Variants in BRINP3 observed in about 807,000 individuals in gnomAD.
The protein encoded by BRINP3 is BMP/retinoic acid-inducible neural-specific protein 3.
Under a neutral mutation model 71.0 loss-of-function variants are expected in BRINP3, and 19 were observed. The observed-to-expected ratio is 0.27, with a 90% CI of 0.19 to 0.39. The LOEUF (loss-of-function observed/expected upper bound fraction) is 0.39. Ranked by LOEUF, BRINP3 falls within the 10% of genes least tolerant of loss-of-function variation. BRINP3 has a pLI of 1.00. For missense variants in BRINP3, 959 were observed against 940.8 expected, an observed-to-expected ratio of 1.02 and a Z score of -0.25; for synonymous variants, 380 against 337.7, an observed-to-expected ratio of 1.13 and a Z score of -1.37.
intron 2 of BRINP3, among the ~76,000 whole-genome samples, chr1:190,352,429 A>G (rs944299176): frequency 6.6e-6 from 1 of 151,996 alleles, no homozygotes; most frequent in African/African-American, 2.4e-5. Flanking sequence ...AATGAGAAAG[A>G]CAGTATCACA....
chr1:190,296,509 C>A (rs540643047), intron 2 of BRINP3, among the ~76,000 whole-genome samples: 2 of 152,114 alleles, frequency 1.3e-5, no homozygotes, highest in African/African-American at 2.4e-5. Context: ...AGATCAGGAA[C>A]AACACAAGGC....
chr1:190,260,057 A>C (rs911694557), intron 4 of BRINP3, among the ~76,000 whole-genome samples: 7 of 144,884 alleles, frequency 4.8e-5, no homozygotes, highest in Non-Finnish European at 1.1e-4. Flanking sequence ...AAAAAGAAGC[A>C]ACTTAAGAAC....
At chr1:190,149,592 G>C (rs1206716668) in intron 7 of BRINP3, among the ~76,000 whole-genome samples, 1 of 151,772 alleles carries the variant, frequency 6.6e-6, no homozygotes, top group Non-Finnish European at 1.5e-5. Context: ...CAGTGCGTGC[G>C]TGTTAGTGTG....
intron 6 of BRINP3, among the ~76,000 whole-genome samples, chr1:190,176,036 G>A (rs1286730162): frequency 6.6e-6 from 1 of 152,130 alleles, no homozygotes; most frequent in Non-Finnish European, 1.5e-5. Context: ...GCCTGTAAAT[G>A]ATGCCCTTTA....
intron 4 of BRINP3, among the ~76,000 whole-genome samples, chr1:190,241,959 A>T (rs1461917075): frequency 6.6e-6 from 1 of 151,624 alleles, no homozygotes; most frequent in Non-Finnish European, 1.5e-5. Flanking sequence ...GTTTAAAGGT[A>T]ATTTTACCAT....
At chr1:190,431,119 G>C (rs1025636589) in intron 2 of BRINP3, among the ~76,000 whole-genome samples, 1 of 152,130 alleles carries the variant, frequency 6.6e-6, no homozygotes, top group East Asian at 1.9e-4. Flanking sequence ...ATGACCAAAA[G>C]CATAGTGCAT....
intron 3 of BRINP3, among the ~76,000 whole-genome samples, chr1:190,275,029 A>G (rs1001356576): frequency 1.1e-4 from 16 of 151,584 alleles, no homozygotes; most frequent in African/African-American, 3.6e-4. Flanking sequence ...AAGGAGAGCA[A>G]CTGACCTTAT....
At chr1:190,337,072 GAGAAATC>G (rs1667337821) in intron 2 of BRINP3, among the ~76,000 whole-genome samples, 1 of 151,954 alleles carries the variant, frequency 6.6e-6, no homozygotes, top group Non-Finnish European at 1.5e-5. Flanking sequence ...AGATCCAAGT[GAGAAATC>G]AGTCAACATG....
At chr1:190,268,309 G>T (rs1007718161) in intron 3 of BRINP3, among the ~76,000 whole-genome samples, 1 of 152,064 alleles carries the variant, frequency 6.6e-6, no homozygotes, top group African/African-American at 2.4e-5. Context: ...GTGTTGCCCA[G>T]GCTGATCTCA....
At chr1:190,151,593 A>T (rs1656399950) in intron 7 of BRINP3, among the ~76,000 whole-genome samples, 1 of 152,212 alleles carries the variant, frequency 6.6e-6, no homozygotes. Context: ...AATAAAGGTT[A>T]TAAGAAAGAA....
At chr1:190,285,990 T>C (rs902747239) in intron 2 of BRINP3, among the ~76,000 whole-genome samples, 3 of 152,150 alleles carry the variant, frequency 2.0e-5, no homozygotes, top group African/African-American at 7.2e-5. Context: ...TATCTTCCCA[T>C]CATAACGTTT....
At chr1:190,376,538 C>A (rs569695528) in intron 2 of BRINP3, among the ~76,000 whole-genome samples, 1 of 151,982 alleles carries the variant, frequency 6.6e-6, no homozygotes, top group South Asian at 2.1e-4. Context: ...TCATAAAAAT[C>A]CAGGCAGGTA....
chr1:190,339,350 C>A (rs1183388082), intron 2 of BRINP3, among the ~76,000 whole-genome samples: 1 of 151,912 alleles, frequency 6.6e-6, no homozygotes, highest in Non-Finnish European at 1.5e-5. Flanking sequence ...CCCTTTGTGG[C>A]TGGTAGAAAC....
At chr1:190,289,299 G>A (rs1663675231) in intron 2 of BRINP3, among the ~76,000 whole-genome samples, 1 of 151,708 alleles carries the variant, frequency 6.6e-6, no homozygotes, top group Non-Finnish European at 1.5e-5. Flanking sequence ...TGTCTTAAAG[G>A]GAATTCCTTT....
chr1:190,369,881 AATT>A (rs1486794877), intron 2 of BRINP3, among the ~76,000 whole-genome samples: 2 of 152,172 alleles, frequency 1.3e-5, no homozygotes, highest in Non-Finnish European at 2.9e-5. Flanking sequence ...AATAGCCACT[AATT>A]ATTAATAAAA....
At chr1:190,202,618 C>T (rs1181359876) in intron 6 of BRINP3, among the ~76,000 whole-genome samples, 1 of 152,052 alleles carries the variant, frequency 6.6e-6, no homozygotes, top group Non-Finnish European at 1.5e-5. Flanking sequence ...GTGGGAGGGA[C>T]CTCATGGGGG....
At chr1:190,226,060 T>C in intron 6 of BRINP3, 22 bp downstream of exon 6, 1 of 1,410,804 alleles carries the variant, frequency 7.1e-7, no homozygotes, top group Non-Finnish European at 9.6e-7. Context: ...TTAAAAGTGT[T>C]ATATTAAAAT....
intron 7 of BRINP3, among the ~76,000 whole-genome samples, chr1:190,110,331 T>C (rs1383343518): frequency 3.3e-5 from 5 of 152,136 alleles, no homozygotes. Context: ...ACATAAAATA[T>C]TGTGAAAAAA....
chr1:190,344,038 A>G (rs1162359538), intron 2 of BRINP3, among the ~76,000 whole-genome samples: 1 of 151,778 alleles, frequency 6.6e-6, no homozygotes, highest in African/African-American at 2.4e-5. Context: ...CAAAAAGTAA[A>G]TATCAGTGGA....
Sources: gnomAD v4.1 joint callset for allele counts (sites outside exome capture counted in the v4.1 genomes callset) on GRCh38, gnomAD v4.1.1 for gene constraint, MANE v1.5 for transcripts, NCBI Gene and HGNC (gene_info 2026-07-23, HGNC 2026-07-21) for gene names.